The following KHDRBS2 variants were observed in gnomAD, a reference collection of about 807,000 sequenced individuals.
KHDRBS2 encodes the protein KH domain-containing, RNA-binding, signal transduction-associated protein 2.
A neutral mutation model predicts 44.3 loss-of-function variants in KHDRBS2; 26 were observed. The observed-to-expected ratio is 0.59, with a 90% CI of 0.43 to 0.81. The LOEUF (loss-of-function observed/expected upper bound fraction) is 0.81. KHDRBS2 is among the 40% of genes least tolerant of loss of function. The probability of loss-of-function intolerance (pLI) is 0.00; values close to 1 mark genes in which losing one functional copy is unlikely to be tolerated. For synonymous variants in KHDRBS2, 194 were observed against 151.1 expected (o/e 1.28, Z -2.08); for missense variants, 476 against 433.1 (o/e 1.10, Z -0.88).
intron 1 of KHDRBS2, among the ~76,000 whole-genome samples, chr6:62,274,075 A>G (rs1840522659): frequency 6.6e-6 from 1 of 152,046 alleles, no homozygotes; most frequent in Non-Finnish European, 1.5e-5. Flanking sequence ...AGCAGGGACT[A>G]CAGGTGTGCG....
chr6:62,107,610 A>C (rs1359346282), intron 2 of KHDRBS2, among the ~76,000 whole-genome samples: 1 of 152,174 alleles, frequency 6.6e-6, no homozygotes, highest in Non-Finnish European at 1.5e-5. Context: ...CTTCATATGG[A>C]ACCAAAAAAG....
chr6:61,935,562 G>A (rs1473607611), intron 4 of KHDRBS2, among the ~76,000 whole-genome samples: 4 of 152,018 alleles, frequency 2.6e-5, no homozygotes, highest in Non-Finnish European at 5.9e-5. Flanking sequence ...AATTATCTGA[G>A]GTTTTACAAT....
intron 2 of KHDRBS2, among the ~76,000 whole-genome samples, chr6:62,169,162 C>CATAT (rs1562991824): frequency 1.0e-3 from 137 of 135,206 alleles, no homozygotes; most frequent in Middle Eastern, 4.2e-3. Flanking sequence ...TATATACGTA[C>CATAT]ACATATATGT....
At chr6:61,589,961 C>A in the KHDRBS2 span, among the ~76,000 whole-genome samples, 2 of 152,062 alleles carry the variant, frequency 1.3e-5, no homozygotes, top group Non-Finnish European at 2.9e-5. Context: ...AAACAGTCCC[C>A]CCACAGTAAC....
At chr6:61,661,436 T>G in the KHDRBS2 span, 2 of 151,916 alleles carry the variant, frequency 1.3e-5, no homozygotes, top group African/African-American at 4.8e-5. Flanking sequence ...TAAGGCATTC[T>G]CATATTGGAT....
At chr6:61,579,204 A>T in the KHDRBS2 span, among the ~76,000 whole-genome samples, 1 of 152,166 alleles carries the variant, frequency 6.6e-6, no homozygotes, top group Admixed American at 6.5e-5. Context: ...TTCTGTGCCC[A>T]GCTCAGTTCT....
At chr6:61,591,621 G>A in the KHDRBS2 span, among the ~76,000 whole-genome samples, 2 of 151,962 alleles carry the variant, frequency 1.3e-5, no homozygotes, top group African/African-American at 2.4e-5. Flanking sequence ...TGTGTCCCTT[G>A]GTCACAAGAT....
chr6:62,194,056 C>T (rs768495856), intron 1 of KHDRBS2, among the ~76,000 whole-genome samples: 1 of 151,936 alleles, frequency 6.6e-6, no homozygotes, highest in Non-Finnish European at 1.5e-5. Context: ...TCATTTGCAC[C>T]CACAAAAGTT....
chr6:61,815,767 C>T (rs1194720765), intron 6 of KHDRBS2, among the ~76,000 whole-genome samples: 1 of 152,184 alleles, frequency 6.6e-6, no homozygotes, highest in East Asian at 1.9e-4. Flanking sequence ...ACTGCTTTCA[C>T]TTTGAGTGGC....
rs114807075 is a variant in KHDRBS2, at chr6:61,890,711, C to A, written c.810+3924G>T. On this transcript the variant is annotated intron_variant, in intron 6 of 8. Transcript: ENST00000281156. ...CCACCCTTGTTGTGGATTTTTAATT[C>A]ATTTAAACAAGTCCTTATTTTTCAC... 4.5e-3 allele frequency among the ~76,000 whole-genome samples: 678 copies of A among 152,272 alleles called. 8 individuals carry two copies. Among genetic ancestry groups the A allele is most frequent in the African/African-American group, 0.015 (637 of 41,562 alleles).
intron 2 of KHDRBS2, among the ~76,000 whole-genome samples, chr6:62,067,528 C>A (rs1794018612): frequency 6.6e-6 from 1 of 151,416 alleles, no homozygotes; most frequent in Admixed American, 6.6e-5. Flanking sequence ...CAGTATAGAG[C>A]CCTCCAGAAA....
chr6:61,601,833 C>A, the KHDRBS2 span, among the ~76,000 whole-genome samples: 1 of 152,136 alleles, frequency 6.6e-6, no homozygotes, highest in Non-Finnish European at 1.5e-5. Flanking sequence ...CTACTCACAC[C>A]TGGTCCAGCT....
intron 2 of KHDRBS2, among the ~76,000 whole-genome samples, chr6:62,138,545 G>C (rs1298304999): frequency 6.6e-6 from 1 of 152,184 alleles, no homozygotes; most frequent in African/African-American, 2.4e-5. Flanking sequence ...ATTTTAAAAA[G>C]TGATTCTACA....
chr6:61,944,300 C>T (rs1484305734), intron 4 of KHDRBS2, among the ~76,000 whole-genome samples: 8 of 152,090 alleles, frequency 5.3e-5, no homozygotes, highest in African/African-American at 1.7e-4. Context: ...AATGTACACA[C>T]ACAATGGAAT....
intron 6 of KHDRBS2, among the ~76,000 whole-genome samples, chr6:61,745,844 A>ATATTT (rs1268969449): frequency 9.9e-5 from 15 of 152,118 alleles, no homozygotes; most frequent in African/African-American, 3.4e-4. Flanking sequence ...ATAAAATAAA[A>ATATTT]TATTTTATTT....
chr6:62,127,914 A>C (rs181057778), intron 2 of KHDRBS2, among the ~76,000 whole-genome samples: 141 of 152,286 alleles, frequency 9.3e-4, no homozygotes, highest in African/African-American at 3.4e-3. Context: ...CAATTAGTTA[A>C]CATCTGCCAG....
intron 1 of KHDRBS2, among the ~76,000 whole-genome samples, chr6:62,260,097 T>C (rs1268067107): frequency 1.3e-5 from 2 of 151,978 alleles, no homozygotes; most frequent in African/African-American, 2.4e-5. Flanking sequence ...GCTGGGACAC[T>C]CCCTAGTTGC....
At chr6:62,241,858 G>C (rs931552682) in intron 1 of KHDRBS2, among the ~76,000 whole-genome samples, 4 of 152,016 alleles carry the variant, frequency 2.6e-5, no homozygotes, top group African/African-American at 9.7e-5. Flanking sequence ...ATATAGTCTG[G>C]CTCCGAAAAT....
the KHDRBS2 span, among the ~76,000 whole-genome samples, chr6:61,615,163 G>A: frequency 1.4e-3 from 184 of 133,964 alleles, no homozygotes; most frequent in Non-Finnish European, 2.4e-3. Context: ...AATCCAGGAG[G>A]CAGATGTTGC....
Sources: gnomAD v4.1 joint callset for allele counts (sites outside exome capture counted in the v4.1 genomes callset) on GRCh38, gnomAD v4.1.1 for gene constraint, MANE v1.5 for transcripts, NCBI Gene and HGNC (gene_info 2026-07-23, HGNC 2026-07-21) for gene names.